The following KDM2B variants were observed in gnomAD, a reference collection of about 807,000 sequenced individuals.
KDM2B encodes lysine-specific demethylase 2B.
KDM2B carries 26 observed loss-of-function variants against 150.0 expected under a neutral mutation model. The ratio of observed to expected loss-of-function variants is 0.17; its 90% CI spans 0.13 to 0.24. The LOEUF (loss-of-function observed/expected upper bound fraction) is 0.24, where lower values mean the gene tolerates loss of function less well. KDM2B is among the 10% of genes least tolerant of loss of function. KDM2B has a pLI of 1.00. For synonymous variants in KDM2B, 734 were observed against 729.5 expected (o/e 1.01, Z -0.10); for missense variants, 1,265 against 1,816.9 (o/e 0.70, Z 5.52).
At chr12:121,447,044 A>G (rs1876394604) in intron 13 of KDM2B, among the ~76,000 whole-genome samples, 1 of 152,136 alleles carries the variant, frequency 6.6e-6, no homozygotes, top group South Asian at 2.1e-4. Flanking sequence ...CAGACTCCAC[A>G]TTGCAACTAA....
At chr12:121,416,493 T>C in the KDM2B span, 1 of 734,538 alleles carries the variant, frequency 1.4e-6, no homozygotes, top group Non-Finnish European at 2.3e-6. Context: ...AAAAGCTTAG[T>C]TCCATTAGCC....
In KDM2B at chr12:121,484,864, T is replaced by C. The variant is rs1882590218; in HGVS notation, c.1734+9715A>G. On this transcript the variant is annotated intron_variant, in intron 12 of 22. Coordinates refer to ENST00000377071, the MANE Select transcript of KDM2B (RefSeq NM_032590.5). Reference sequence around the variant, plus strand: ...AAAAAATAAAAATAAATAAAGAAGATGGAGAATCACTGAACGATTGATAAC... The same window carrying C: ...AAAAAATAAAAATAAATAAAGAAGACGGAGAATCACTGAACGATTGATAAC... 3.3e-5 allele frequency among the ~76,000 whole-genome samples: 5 copies of C among 152,022 alleles called. No individual in the cohort carries two copies. In the South Asian group the frequency reaches 1.0e-3, roughly 32 times the overall value.
At chr12:121,500,859 G>A (rs1451361258) in intron 11 of KDM2B, among the ~76,000 whole-genome samples, 1 of 152,232 alleles carries the variant, frequency 6.6e-6, no homozygotes, top group Non-Finnish European at 1.5e-5. Flanking sequence ...CCAGCACTTT[G>A]GGAGGCCGAG....
rs577140819 is a variant in KDM2B at position 121,477,896 on chromosome 12, CT to C, written c.1734+16682del. Among the ~76,000 whole-genome samples, 13 of 151,146 alleles carry C rather than the reference CT, an allele frequency of 8.6e-5. No individual in the cohort carries two copies. In the South Asian group the frequency reaches 1.1e-3, roughly 12 times the overall value. On this transcript the variant is annotated intron_variant, in intron 12 of 22. Coordinates refer to ENST00000377071, the MANE Select transcript of KDM2B (RefSeq NM_032590.5). The stretch of plus-strand genomic sequence containing the variant: ...CCCAGGCTTTTTTCTTATTTTAAAA[CT>C]TTTTTTTATCATTAAAAAAATTTTT...
At chr12:121,412,203 A>G in the KDM2B span, among the ~76,000 whole-genome samples, 2 of 141,648 alleles carry the variant, frequency 1.4e-5, no homozygotes, top group Non-Finnish European at 3.0e-5. Flanking sequence ...CTGGGACTAC[A>G]GGCACGTGCC....
rs1555305801 is a variant in KDM2B, at chr12:121,520,946, G to T, written c.1047+39C>A. On this transcript the variant is annotated intron_variant, in intron 9 of 22. Transcript: ENST00000377071. The surrounding 1 kb of genome is among the most constrained non-coding windows in gnomAD (Gnocchi z 4.5). ...CACCGAGCACCGGCAGAGCTCAGGG[G>T]CCAGGCGCGCACGCGAGGACAGAAG... The T allele has an allele frequency of 6.6e-7, 1 of 1,513,720 alleles. No homozygotes were observed. The highest frequency in any genetic ancestry group is 9.2e-7 in the Non-Finnish European group (1 of 1,089,758). The allele number at this position is 1,513,720 out of a possible 1,614,324, so 93.8% of individuals were successfully genotyped here.
At chr12:121,558,263 T>C (rs781947228) in intron 4 of KDM2B, among the ~76,000 whole-genome samples, 2 of 151,980 alleles carry the variant, frequency 1.3e-5, no homozygotes, top group Non-Finnish European at 2.9e-5. Context: ...ACACACGACT[T>C]CACAGACAAA....
chr12:121,428,221 G>A (rs553947572), downstream of KDM2B, among the ~76,000 whole-genome samples: 10 of 151,674 alleles, frequency 6.6e-5, no homozygotes, highest in Admixed American at 1.3e-4. Context: ...TTTGAAATGC[G>A]GTCTCGCGGT....
At chr12:121,500,550 A>G (rs558034502) in intron 11 of KDM2B, among the ~76,000 whole-genome samples, 66 of 152,340 alleles carry the variant, frequency 4.3e-4, no homozygotes, top group South Asian at 2.5e-3. Context: ...AACTCCCTCC[A>G]TGCCATGACT....
chr12:121,561,242 C>T (rs1235373551), intron 4 of KDM2B, among the ~76,000 whole-genome samples: 2 of 152,146 alleles, frequency 1.3e-5, no homozygotes, highest in Non-Finnish European at 2.9e-5. Context: ...GAAACATACA[C>T]GGGCGCGACC....
chr12:121,528,559 C>CA (rs1415499738), intron 8 of KDM2B, among the ~76,000 whole-genome samples: 5 of 146,266 alleles, frequency 3.4e-5, no homozygotes, highest in Non-Finnish European at 7.5e-5. Flanking sequence ...GACTCTGTCT[C>CA]AAAAAAATGA....
intron 14 of KDM2B, 96 bp from the exon 15 acceptor site, chr12:121,444,632 AC>A: frequency 4.1e-6 from 4 of 977,774 alleles, no homozygotes; most frequent in Non-Finnish European, 6.5e-6. Context: ...AAGCAGCAGC[AC>A]CCCCTCCCCA....
At chr12:121,421,384 A>ACAAC in the KDM2B span, among the ~76,000 whole-genome samples, 9 of 148,720 alleles carry the variant, frequency 6.1e-5, no homozygotes, top group South Asian at 6.7e-4. Context: ...AAAAAAAAAA[A>ACAAC]AAAAAAAAAA....
intron 22 of KDM2B, among the ~76,000 whole-genome samples, chr12:121,437,156 G>A (rs1163664507): frequency 6.6e-6 from 1 of 152,048 alleles, no homozygotes; most frequent in African/African-American, 2.4e-5. Context: ...CGGAAGGGGA[G>A]GAAAAGAAGT....
intron 9 of KDM2B, among the ~76,000 whole-genome samples, chr12:121,515,965 T>C (rs190141461): frequency 1.4e-4 from 22 of 152,288 alleles, no homozygotes; most frequent in Admixed American, 7.8e-4. Flanking sequence ...TCTTTTCTCA[T>C]AGTTACTAGA....
chr12:121,509,933 C>T lies in KDM2B; in HGVS notation c.1281G>A (p.Glu427=). ...QQPQEEEEKD[E]EGEGRDRAPK... is the part of the protein sequence containing the mutation. The stretch of plus-strand genomic sequence containing the variant: ...GTGCCCTGTCCCTGCCCTCGCCCTC[C>T]TCGTCCTTCTCCTCCTCCTCCTGAG... The change falls in exon 11 of 23, where the codon GAG becomes GAA. Residue 427 remains glutamate, a synonymous_variant. Coordinates refer to ENST00000377071, the MANE Select transcript of KDM2B (RefSeq NM_032590.5). 1 of 1,612,868 alleles carries T rather than the reference C, an allele frequency of 6.2e-7. No homozygotes were observed. The highest frequency in any genetic ancestry group is 8.5e-7 in the Non-Finnish European group (1 of 1,179,648).
At chr12:121,574,490 C>T in intron 4 of KDM2B, 57 bp downstream of exon 4, 1 of 1,565,224 alleles carries the variant, frequency 6.4e-7, no homozygotes. Flanking sequence ...TGGTGACCGC[C>T]TCTTTCCCCT....
At chr12:121,565,583 C>T (rs1403087147) in intron 4 of KDM2B, among the ~76,000 whole-genome samples, 1 of 152,056 alleles carries the variant, frequency 6.6e-6, no homozygotes, top group African/African-American at 2.4e-5. Context: ...TCCCAAAGTG[C>T]TAGAATTAAA....
chr12:121,431,177 G>C (rs1872936420), intron 22 of KDM2B, among the ~76,000 whole-genome samples: 1 of 151,904 alleles, frequency 6.6e-6, no homozygotes, highest in South Asian at 2.1e-4. Context: ...TGTCACCCAG[G>C]CTGGAGTGCA....
Sources: allele counts gnomAD v4.1 joint callset (sites outside exome capture counted in the v4.1 genomes callset), GRCh38; gene constraint gnomAD v4.1.1; non-coding constraint Gnocchi (gnomAD v3.1); transcripts MANE v1.5; gene names NCBI Gene and HGNC (gene_info 2026-07-23, HGNC 2026-07-21).